Variants in CHD7 observed in about 807,000 individuals in gnomAD.
CHD7 encodes the protein ATP-dependent chromatin remodeler CHD7.
In CHD7, 24 loss-of-function variants were observed where a neutral mutation model predicts 307.3. That is an observed-to-expected ratio of 0.08 (90% CI 0.06 to 0.11). The LOEUF is 0.11. Ranked by LOEUF, CHD7 falls within the 10% of genes least tolerant of loss-of-function variation. CHD7 has a pLI of 1.00. For synonymous variants in CHD7, 1,363 were observed against 1,349.9 expected (o/e 1.01, Z -0.21); for missense variants, 3,106 against 3,727.1 (o/e 0.83, Z 4.34).
intron 2 of CHD7, among the ~76,000 whole-genome samples, chr8:60,753,876 CA>C (rs1286803574): frequency 6.6e-6 from 1 of 152,008 alleles, no homozygotes; most frequent in Non-Finnish European, 1.5e-5. Context: ...CCACCTGCCT[CA>C]GCCTCCCAAA....
In CHD7 at chr8:60,742,636, A is replaced by G. The variant is rs772570235; in HGVS notation, c.1204A>G (p.Met402Val). 5 of 1,612,122 alleles carry G rather than the reference A, an allele frequency of 3.1e-6. No individual in the cohort carries two copies. Among genetic ancestry groups the G allele is most frequent in the East Asian group, 2.2e-5 (1 of 44,856 alleles). Residue 402 changes from methionine to valine, a missense_variant, in exon 2 of 38, where the codon ATG (methionine) becomes GTG (valine). Around this residue, in one of 10 missense-constraint regions of CHD7, gnomAD observed 998 missense variants for 1,004.5 expected, o/e 0.99. Transcript: ENST00000423902. ...ACCTCCCATGTCACCCATGAAAGCA[A>G]TGAGTAATCCAGCAGGCACTCCTCC... ...SPPPMSPMKA[M>V]SNPAGTPPPQ... is the part of the protein sequence containing the mutation.
chr8:60,759,316 A>G (rs1237061840), intron 2 of CHD7, among the ~76,000 whole-genome samples: 1 of 152,120 alleles, frequency 6.6e-6, no homozygotes, highest in Non-Finnish European at 1.5e-5. Flanking sequence ...AAGGCAGCGA[A>G]TGGATTGGTT....
chr8:60,794,817 G>A (rs1811940547), intron 3 of CHD7, among the ~76,000 whole-genome samples, 169 bp from the exon 4 acceptor site: 1 of 152,122 alleles, frequency 6.6e-6, no homozygotes, highest in Non-Finnish European at 1.5e-5. Flanking sequence ...TCATTAATAT[G>A]GAGTTTTGCC....
chr8:60,783,817 C>T (rs1388649907), intron 3 of CHD7, among the ~76,000 whole-genome samples: 1 of 152,068 alleles, frequency 6.6e-6, no homozygotes, highest in African/African-American at 2.4e-5. Context: ...CTCTGTTGGC[C>T]CTGGTCACTT....
intron 2 of CHD7, among the ~76,000 whole-genome samples, chr8:60,778,723 A>C (rs1811067564): frequency 1.3e-5 from 2 of 152,216 alleles, no homozygotes; most frequent in African/African-American, 2.4e-5. Flanking sequence ...TGTCCCAAAT[A>C]AGTTTGATCT....
chr8:60,839,176 A>G (rs1259927968), intron 19 of CHD7, among the ~76,000 whole-genome samples: 2 of 152,238 alleles, frequency 1.3e-5, no homozygotes, highest in Non-Finnish European at 2.9e-5. Context: ...CAGTTCATAT[A>G]AATGGAATCA....
At chr8:60,771,388 A>T (rs1183803755) in intron 2 of CHD7, among the ~76,000 whole-genome samples, 1 of 152,206 alleles carries the variant, frequency 6.6e-6, no homozygotes, top group Non-Finnish European at 1.5e-5. Context: ...TTATTTGTTG[A>T]TCATCCCTAA....
rs551154836 is a variant in CHD7, at chr8:60,838,370, T to C, written c.4533+115T>C. ...ATTGGGAATTAATCAAATTAATCAT[T>C]AACTCCCTGTGGAACCCCTGGCACA... On this transcript the variant is annotated intron_variant, in intron 19 of 37. Transcript: ENST00000423902. 815 of 930,170 alleles carry C rather than the reference T, an allele frequency of 8.8e-4. 4 individuals carry two copies. The highest frequency in any genetic ancestry group is 1.0e-3 in the Non-Finnish European group (633 of 611,940). The allele number at this position is 930,170 out of a possible 1,614,324, so 57.6% of individuals were successfully genotyped here. A position where few individuals can be genotyped will look rare whatever the true frequency, so the allele number is the denominator to read the frequency against.
At chr8:60,837,308 A>G (rs1804784379) in intron 17 of CHD7, among the ~76,000 whole-genome samples, 1 of 152,324 alleles carries the variant, frequency 6.6e-6, no homozygotes, top group East Asian at 1.9e-4. Context: ...CTCCTTAACA[A>G]AATACCATAA....
At chr8:60,680,111 A>G (rs1469236111) in intron 1 of CHD7, among the ~76,000 whole-genome samples, 1 of 150,760 alleles carries the variant, frequency 6.6e-6, no homozygotes, top group Non-Finnish European at 1.5e-5. Context: ...CCGCCCCCCA[A>G]CCCGCCGGGG....
At chr8:60,817,881 C>T (rs1001873338) in intron 8 of CHD7, among the ~76,000 whole-genome samples, 2 of 152,166 alleles carry the variant, frequency 1.3e-5, no homozygotes, top group African/African-American at 4.8e-5. Flanking sequence ...GGGAGGGAGA[C>T]AGGCAAAAGC....
At chr8:60,682,119 A>G (rs528305077) in intron 1 of CHD7, among the ~76,000 whole-genome samples, 1 of 152,308 alleles carries the variant, frequency 6.6e-6, no homozygotes, top group East Asian at 1.9e-4. Context: ...CAAGTTGAAA[A>G]TATGGAAGTC....
chr8:60,706,994 G>A (rs921044374), intron 1 of CHD7, among the ~76,000 whole-genome samples: 4 of 151,868 alleles, frequency 2.6e-5, no homozygotes, highest in African/African-American at 4.8e-5. Context: ...GACAGGCCCC[G>A]GTGTGTGATG....
Position 60,801,587 on chromosome 8 carries a change from A to T in CHD7, c.2436A>T (p.Lys812Asn), listed in dbSNP as rs61978638. Residue 812 changes from lysine to asparagine, a missense_variant, in exon 6 of 38, where the codon AAA (lysine) becomes AAT (asparagine). By Grantham distance (94) the Lys-to-Asn change is moderately conservative. Transcript: ENST00000423902. ...AAATTATGAGCAGTCGTTCAGTAAA[A>T]AAGCAGGTGAGTGCCATTGGAGCCA... ...VEKIMSSRSV[K>N]KQKESGEEVE... is the part of the protein sequence containing the mutation. The T allele has an allele frequency of 1.7e-4, 263 of 1,571,574 alleles. No individual in the cohort carries two copies. In the African/African-American group the frequency reaches 2.8e-3, roughly 17 times the overall value.
Position 60,686,375 on chromosome 8 carries a change from A to G in CHD7, c.-175+7293A>G, listed in dbSNP as rs549340693. Among the ~76,000 whole-genome samples, 5 of 152,244 alleles carry G rather than the reference A, an allele frequency of 3.3e-5. No individual in the cohort carries two copies. The East Asian group carries it at 9.6e-4, about 29-fold the overall frequency. Reference sequence around the variant, plus strand: ...AAAAAAAAAAAAAAAAACTCTTTAAAATACATTCTGTCATTAGGTCCAGCC... The same window carrying G: ...AAAAAAAAAAAAAAAAACTCTTTAAGATACATTCTGTCATTAGGTCCAGCC... On this transcript the variant is annotated intron_variant, in intron 1 of 37. Transcript: ENST00000423902.
At position 60,845,321 on chromosome 8, in the gene CHD7, C is replaced by A; in HGVS notation, c.5122C>A (p.Gln1708Lys). Residue 1708 changes from glutamine to lysine, a missense_variant, in exon 23 of 38, where the codon CAG becomes AAG. Physicochemically the swap from Gln to Lys is moderately conservative, Grantham distance 53. Transcript: ENST00000423902. ...AGCCCAGAGCACACAGCCGGTGGTG[C>A]AGGATGCCGACTGGCTGGCCAGCTG... ...VKAQSTQPVVQDADWLASCNP... is the reference protein window; with the variant it reads ...VKAQSTQPVVKDADWLASCNP... 1 of 1,613,978 alleles carries A rather than the reference C, an allele frequency of 6.2e-7. No homozygotes were observed. The highest frequency in any genetic ancestry group is 8.5e-7 in the Non-Finnish European group (1 of 1,179,876).
intron 1 of CHD7, among the ~76,000 whole-genome samples, chr8:60,702,089 C>T (rs1181884257): frequency 2.0e-5 from 3 of 152,194 alleles, no homozygotes; most frequent in Admixed American, 2.0e-4. Context: ...TTTGGGAAGA[C>T]TCACTTAATT....
At chr8:60,710,154 G>T (rs1437328565) in intron 1 of CHD7, among the ~76,000 whole-genome samples, 1 of 151,440 alleles carries the variant, frequency 6.6e-6, no homozygotes, top group African/African-American at 2.4e-5. Flanking sequence ...GGGGAAGAGG[G>T]TATTCAAGAA....
chr8:60,800,312 G>A (rs1032768622), intron 4 of CHD7, 76 bp from the exon 5 acceptor site: 14 of 1,483,900 alleles, frequency 9.4e-6, no homozygotes, highest in South Asian at 8.6e-5. Context: ...GATTACAGGC[G>A]TGAGCCACTG....
Sources: gnomAD v4.1 joint callset for allele counts (sites outside exome capture counted in the v4.1 genomes callset) on GRCh38, gnomAD v4.1.1 for gene constraint, gnomAD v4.1.1 regional missense constraint, MANE v1.5 for transcripts, NCBI Gene and HGNC (gene_info 2026-07-23, HGNC 2026-07-21) for gene names.